The following MFNG variants were observed in gnomAD, a reference collection of about 807,000 sequenced individuals.
MFNG encodes the protein MFNG O-fucosylpeptide 3-beta-N-acetylglucosaminyltransferase.
In MFNG, 24 loss-of-function variants were observed where a neutral mutation model predicts 34.2. That is an observed-to-expected ratio of 0.70 (90% CI 0.51 to 0.99). MFNG has a LOEUF of 0.99. Among genes scored for constraint, MFNG ranks in the 50% least tolerant of loss-of-function variants. The probability of loss-of-function intolerance (pLI) is 0.00; values close to 1 mark genes in which losing one functional copy is unlikely to be tolerated. For missense variants in MFNG, 383 were observed against 424.0 expected (o/e 0.90, Z 0.85); for synonymous variants, 158 against 179.2 (o/e 0.88, Z 0.94).
In MFNG at chr22:37,486,032, G is replaced by A; in HGVS notation, c.146C>T (p.Pro49Leu). 1.2e-6 allele frequency: 2 copies of A among 1,614,036 alleles called. No individual in the cohort carries two copies. The highest frequency in any genetic ancestry group is 4.5e-5 in the East Asian group (2 of 44,868). ...PELSQPNPGP[P>L]KLQLHDVFIA... ...GAAGACATCGTGTAGCTGTAGCTTA[G>A]GGGGCCCCGGGTTCGGCTGGCTCAG... The change falls in exon 1 of 8, where the codon CCT (proline) becomes CTT (leucine). Residue 49 changes from proline (P) to leucine (L), a missense_variant. Coordinates refer to ENST00000356998, the MANE Select transcript of MFNG (RefSeq NM_002405.4).
At chr22:37,471,055 G>C (rs920227618) in intron 7 of MFNG, among the ~76,000 whole-genome samples, 3 of 152,054 alleles carry the variant, frequency 2.0e-5, no homozygotes, top group African/African-American at 7.2e-5. Context: ...TCAGGGCTCT[G>C]ACTTACTCTC....
chr22:37,479,279 C>A, intron 4 of MFNG, 66 bp downstream of exon 4: 1 of 1,477,214 alleles, frequency 6.8e-7, no homozygotes, highest in Non-Finnish European at 9.0e-7. Context: ...ACACCCCCAC[C>A]CCCAGGACCG....
rs562784902 is a variant in MFNG, at chr22:37,482,488, C to T, written c.256-1719G>A. On this transcript the variant is annotated intron_variant, in intron 1 of 7. Transcript: ENST00000356998. This position sits in a 1 kb window ranked among gnomAD's most constrained non-coding sequence, Gnocchi z 4.1. ...ACACACACACACACACACGCACGTGCGCACGCCTCTGAGCCTCTGCGCATG... is the reference window on the plus strand; with the variant it reads ...ACACACACACACACACACGCACGTGTGCACGCCTCTGAGCCTCTGCGCATG... Among the ~76,000 whole-genome samples, 6 of 152,044 alleles carry T rather than the reference C, an allele frequency of 3.9e-5. No individual in the cohort carries two copies. In the East Asian group the frequency reaches 5.8e-4, roughly 15 times the overall value.
intron 1 of MFNG, chr22:37,481,090 CA>C (rs1302847839): frequency 3.5e-6 from 1 of 285,112 alleles, no homozygotes; most frequent in African/African-American, 2.2e-5. Flanking sequence ...CACACACAAT[CA>C]CACACACACA....
intron 7 of MFNG, among the ~76,000 whole-genome samples, chr22:37,471,026 C>T (rs992301223): frequency 1.3e-5 from 2 of 152,130 alleles, no homozygotes; most frequent in African/African-American, 4.8e-5. Flanking sequence ...CCCGGCCAGC[C>T]CCTACTCCCC....
At chr22:37,477,387 G>A (rs921757502) in intron 4 of MFNG, among the ~76,000 whole-genome samples, 3 of 152,176 alleles carry the variant, frequency 2.0e-5, no homozygotes, top group African/African-American at 4.8e-5. Context: ...GGGCCTGAGT[G>A]TGCATAGGAA....
At chr22:37,479,208 T>C in intron 4 of MFNG, 137 bp downstream of exon 4, 2 of 898,062 alleles carry the variant, frequency 2.2e-6, no homozygotes, top group Non-Finnish European at 3.1e-6. Context: ...GAGGGGAAGC[T>C]ACCAGCCCAA....
rs1922180168 is a variant in MFNG at position 37,479,340 on chromosome 22, C to T, written c.561+5G>A. 8 of 1,565,224 alleles carry T rather than the reference C, an allele frequency of 5.1e-6. No individual in the cohort carries two copies. Among genetic ancestry groups the T allele is most frequent in the Non-Finnish European group, 6.9e-6 (8 of 1,156,052 alleles). On this transcript the variant is annotated splice_donor_5th_base_variant and intron_variant, in intron 4 of 7. Coordinates refer to ENST00000356998, the MANE Select transcript of MFNG (RefSeq NM_002405.4). ...AAGGGGCAAAGGAGGAGGAGAGGGA[C>T]CCACCGTGCGGTTGTGGGGCTGTGG...
Position 37,479,833 on chromosome 22 carries a change from G to A in MFNG, c.408-335C>T, listed in dbSNP as rs369320977. Among the ~76,000 whole-genome samples, 10 of 152,136 alleles carry A rather than the reference G, an allele frequency of 6.6e-5. No homozygotes were observed. In the East Asian group the frequency reaches 9.7e-4, roughly 15 times the overall value. Reference sequence around the variant, plus strand: ...AGCCTGGCCAACATGGTGAAACCCCGTCTCTACTAAAATTACAAAAGTTAG... The same window carrying A: ...AGCCTGGCCAACATGGTGAAACCCCATCTCTACTAAAATTACAAAAGTTAG... On this transcript the variant is annotated intron_variant, in intron 3 of 7. Coordinates refer to ENST00000356998, the MANE Select transcript of MFNG (RefSeq NM_002405.4).
Position 37,472,450 on chromosome 22 carries a change from G to C in MFNG, c.892C>G (p.Pro298Ala). ...LQGPFSPEED[P>A]SRFRSLHCLL... ...TCCAGCCCCCAGACCCACCTGGAGG[G>C]GTCCTCCTCCGGGGAGAAGGGGCCC... The change falls in exon 7 of 8, where the codon CCC (proline) becomes GCC (alanine). Residue 298 changes from proline (P) to alanine (A), a missense_variant. Physicochemically the swap from Pro to Ala is conservative, Grantham distance 27 (BLOSUM62 -1). Transcript: ENST00000356998. 9.5e-6 allele frequency: 15 copies of C among 1,581,866 alleles called. No individual in the cohort carries two copies. Among genetic ancestry groups the C allele is most frequent in the Non-Finnish European group, 1.3e-5 (15 of 1,167,660 alleles).
At chr22:37,477,639 G>C (rs975879415) in intron 4 of MFNG, among the ~76,000 whole-genome samples, 1 of 152,054 alleles carries the variant, frequency 6.6e-6, no homozygotes, top group South Asian at 2.1e-4. Flanking sequence ...GTAGAGACAG[G>C]GTTTAACTAT....
At chr22:37,484,227 G>C (rs1164487394) in intron 1 of MFNG, 1 of 152,160 alleles carries the variant, frequency 6.6e-6, no homozygotes, top group Non-Finnish European at 1.5e-5. Flanking sequence ...GGCCCCTGCC[G>C]CAAGGCCCAC....
chr22:37,481,079 A>G, intron 1 of MFNG: 2 of 427,322 alleles, frequency 4.7e-6, no homozygotes, highest in South Asian at 2.8e-5. Flanking sequence ...TCTATCACAC[A>G]CACACACAAT....
intron 5 of MFNG, among the ~76,000 whole-genome samples, chr22:37,475,782 A>G (rs1305482707): frequency 3.9e-5 from 6 of 152,062 alleles, no homozygotes; most frequent in Non-Finnish European, 7.4e-5. Context: ...TTTCTAATTC[A>G]CACAAAGGTA....
intron 3 of MFNG, among the ~76,000 whole-genome samples, chr22:37,479,790 G>C (rs1300842587): frequency 1.3e-5 from 2 of 152,138 alleles, no homozygotes; most frequent in Admixed American, 6.5e-5. Flanking sequence ...AATCACCTGA[G>C]GTCAGGAGTT....
intron 4 of MFNG, among the ~76,000 whole-genome samples, chr22:37,477,964 T>C (rs2145732336): frequency 6.6e-6 from 1 of 152,256 alleles, no homozygotes; most frequent in Non-Finnish European, 1.5e-5. Context: ...GGCTGCCGTG[T>C]AAACCCAGGG....
intron 6 of MFNG, among the ~76,000 whole-genome samples, chr22:37,473,420 C>T (rs1170098032): frequency 6.6e-6 from 1 of 151,696 alleles, no homozygotes; most frequent in East Asian, 1.9e-4. Flanking sequence ...CAGAGCGAGA[C>T]TCTATCTCAA....
intron 1 of MFNG, among the ~76,000 whole-genome samples, chr22:37,481,803 G>T (rs560213881): frequency 6.0e-4 from 91 of 152,332 alleles, no homozygotes; most frequent in African/African-American, 2.1e-3. Context: ...CCCCACTGGG[G>T]CCACACTCGT....
intron 3 of MFNG, among the ~76,000 whole-genome samples, chr22:37,479,832 C>T (rs554624172): frequency 2.0e-4 from 31 of 152,116 alleles, no homozygotes; most frequent in Middle Eastern, 6.8e-3. Context: ...GGTGAAACCC[C>T]GTCTCTACTA....
Sources: gnomAD v4.1 joint callset for allele counts (sites outside exome capture counted in the v4.1 genomes callset) on GRCh38, gnomAD v4.1.1 for gene constraint, Gnocchi (gnomAD v3.1) non-coding constraint, MANE v1.5 for transcripts, NCBI Gene and HGNC (gene_info 2026-07-23, HGNC 2026-07-21) for gene names.